The following SERAC1 variants were observed in gnomAD, a reference collection of about 807,000 sequenced individuals.
SERAC1 encodes the protein serine active site containing 1, also known as protein SERAC1.
In SERAC1, 36 loss-of-function variants were observed where a neutral mutation model predicts 85.7. The ratio of observed to expected loss-of-function variants is 0.42; its 90% confidence interval spans 0.32 to 0.55. The LOEUF is 0.55. SERAC1 is among the 20% of genes least tolerant of loss of function. The pLI, the probability that SERAC1 is intolerant of heterozygous loss-of-function variation, is 0.11. For missense variants in SERAC1, 629 were observed against 796.2 expected (o/e 0.79, Z 2.53); for synonymous variants, 242 against 265.3 (o/e 0.91, Z 0.85).
chr6:158,151,816 T>C (rs1310866942), intron 3 of SERAC1, among the ~76,000 whole-genome samples: 2 of 152,194 alleles, frequency 1.3e-5, no homozygotes, highest in African/African-American at 4.8e-5. Context: ...GTTTGTGTTT[T>C]AAGCTAAGTG....
rs114918133 is a variant in SERAC1, at chr6:158,150,699, A to G, written c.129-110T>C. On this transcript the variant is annotated intron_variant, in intron 3 of 16. Transcript: ENST00000647468. ...GTAAACTTCTTTTTTGTTGGGAAAC[A>G]TAACATGTATACAGTAATATGCATA... 2,170 of 767,180 alleles carry G rather than the reference A, an allele frequency of 2.8e-3. 34 individuals are homozygous for G. The African/African-American group carries it at 0.032, about 11-fold the overall frequency. The allele number at this position is 767,180 out of a possible 1,614,324, so 47.5% of individuals were successfully genotyped here. A position where few individuals can be genotyped will look rare whatever the true frequency, so the allele number is the denominator to read the frequency against.
At chr6:158,131,756 G>GA (rs1428810266) in intron 8 of SERAC1, among the ~76,000 whole-genome samples, 3 of 152,108 alleles carry the variant, frequency 2.0e-5, no homozygotes, top group Non-Finnish European at 4.4e-5. Context: ...CACACACAGG[G>GA]AAAGTGATAG....
intron 3 of SERAC1, among the ~76,000 whole-genome samples, chr6:158,154,407 T>G (rs1044091577): frequency 7.9e-5 from 12 of 152,084 alleles, no homozygotes; most frequent in Non-Finnish European, 1.5e-4. Context: ...AAGGGAAAAA[T>G]TATCTAAATA....
At position 158,111,355 on chromosome 6, in the gene SERAC1, G is replaced by T; in HGVS notation, c.*11C>A. On this transcript the variant is annotated 3_prime_UTR_variant, in exon 17 of 17. Transcript: ENST00000647468. ...CTGAATTCACATATGAAAACTGGAA[G>T]AGCACAACTGTTAGTTTTCAAGGTC... 6.4e-7 allele frequency: 1 copy of T among 1,572,990 alleles called. No homozygotes were observed. Among genetic ancestry groups the T allele is most frequent in the South Asian group, 1.2e-5 (1 of 84,024 alleles).
At chr6:158,112,280 G>C (rs1784162894) in intron 16 of SERAC1, 1 of 152,492 alleles carries the variant, frequency 6.6e-6, no homozygotes, top group African/African-American at 2.4e-5. Flanking sequence ...AGGTGTGGTG[G>C]TGTGCGCCTG....
chr6:158,158,441 T>C, intron 1 of SERAC1, 77 bp from the exon 2 acceptor site: 7 of 1,111,612 alleles, frequency 6.3e-6, no homozygotes, highest in Non-Finnish European at 9.4e-6. Flanking sequence ...CAAGAACATG[T>C]TACCATCACA....
chr6:158,113,663 C>T, intron 15 of SERAC1, 71 bp from the exon 16 acceptor site: 1 of 1,325,734 alleles, frequency 7.5e-7, no homozygotes, highest in African/African-American at 1.5e-5. Context: ...ATTAATCTTT[C>T]AAATTTAGAG....
intron 9 of SERAC1, among the ~76,000 whole-genome samples, chr6:158,130,074 G>T (rs530830332): frequency 6.6e-6 from 1 of 152,320 alleles, no homozygotes; most frequent in South Asian, 2.1e-4. Flanking sequence ...AAAAATATCT[G>T]AGAAAGGCAG....
rs753181670 is a variant in SERAC1 at position 158,143,305 on chromosome 6, GTCTCTCTCTCTC to G, written c.610-133_610-122del. 621 of 606,136 alleles carry G rather than the reference GTCTCTCTCTCTC, an allele frequency of 1.0e-3. 8 individuals carry two copies. Among genetic ancestry groups the G allele is most frequent in the South Asian group, 4.2e-3 (124 of 29,436 alleles). 37.5% of individuals were successfully genotyped at this position (606,136 alleles called of 1,614,324 possible). A position where few individuals can be genotyped will look rare whatever the true frequency, so the allele number is the denominator to read the frequency against. Reference sequence around the variant, plus strand: ...TCAAAGCCATATATTATGTGTGCATGTCTCTCTCTCTCTCTCTCTCTCTCTCTCTCTCTCTCT... The same window carrying G: ...TCAAAGCCATATATTATGTGTGCATGTCTCTCTCTCTCTCTCTCTCTCTCT... On this transcript the variant is annotated intron_variant, in intron 7 of 16. Coordinates refer to ENST00000647468, the MANE Select transcript of SERAC1 (RefSeq NM_032861.4).
Position 158,155,346 on chromosome 6 carries a change from T to C in SERAC1, c.97A>G (p.Ile33Val), listed in dbSNP as rs1785304530. 2 of 1,547,324 alleles carry C rather than the reference T, an allele frequency of 1.3e-6. No homozygotes were observed. The highest frequency in any genetic ancestry group is 1.8e-6 in the Non-Finnish European group (2 of 1,121,794). ...SGTHWRDIRN[I>V]IKFTGSLILG... Reference sequence around the variant, plus strand: ...ATAAGTGATCCAGTAAACTTTATTATATTTCCTTCAAAAGAAAAAAAGTCA... The same window carrying C: ...ATAAGTGATCCAGTAAACTTTATTACATTTCCTTCAAAAGAAAAAAAGTCA... The change falls in exon 3 of 17, where the codon ATA (isoleucine) becomes GTA (valine). Residue 33 changes from isoleucine (I) to valine (V), a missense_variant. Transcript: ENST00000647468.
intron 1 of SERAC1, among the ~76,000 whole-genome samples, chr6:158,163,939 C>G (rs139317315): frequency 0.026 from 3,884 of 151,794 alleles, 173 homozygotes; most frequent in African/African-American, 0.089. Context: ...GTTTCACCAT[C>G]TTGGCCAGGC....
At chr6:158,144,224 T>G in intron 7 of SERAC1, 75 bp downstream of exon 7, 1 of 1,207,712 alleles carries the variant, frequency 8.3e-7, no homozygotes, top group Non-Finnish European at 1.2e-6. Context: ...TTTAAAGTGT[T>G]TTGTACCCCA....
Position 158,158,080 on chromosome 6 carries a change from A to G in SERAC1, c.91+193T>C, listed in dbSNP as rs543464306. Among the ~76,000 whole-genome samples, 6 of 152,332 alleles carry G rather than the reference A, an allele frequency of 3.9e-5. No homozygotes were observed. In the South Asian group the frequency reaches 1.0e-3, roughly 26 times the overall value. On this transcript the variant is annotated intron_variant, in intron 2 of 16. Transcript: ENST00000647468. ...TTGACAGAAGAAGTAGAAGAGGGAA[A>G]ATAATTCTCAAGAAAAAGGAGTATG... is the stretch of plus-strand genomic sequence containing the variant.
At position 158,120,725 on chromosome 6, in the gene SERAC1, GC is replaced by G; in HGVS notation, c.1016-151del. ...AGTCCGACTATTCCAACCCCATTCTGCCCTACGATCCTCTGAGACCTGTGGC... is the reference window on the plus strand; with the variant it reads ...AGTCCGACTATTCCAACCCCATTCTGCCTACGATCCTCTGAGACCTGTGGC... On this transcript the variant is annotated intron_variant, in intron 10 of 16. Transcript: ENST00000647468. This position sits in a 1 kb window ranked among gnomAD's most constrained non-coding sequence, Gnocchi z 4.4. 1.3e-6 allele frequency: 1 copy of G among 795,084 alleles called. No individual in the cohort carries two copies. The highest frequency in any genetic ancestry group is 1.9e-6 in the Non-Finnish European group (1 of 516,086). 49.3% of individuals were successfully genotyped at this position (795,084 alleles called of 1,614,324 possible). A position where few individuals can be genotyped will look rare whatever the true frequency, so the allele number is the denominator to read the frequency against.
chr6:158,114,554 GTATT>G (rs1421644829), intron 15 of SERAC1: 54 of 1,200,718 alleles, frequency 4.5e-5, no homozygotes, highest in Non-Finnish European at 5.3e-5. Context: ...CTAATTTTAA[GTATT>G]TAAGATAATA....
chr6:158,125,861 T>A (rs1784527356), intron 10 of SERAC1, among the ~76,000 whole-genome samples: 1 of 152,144 alleles, frequency 6.6e-6, no homozygotes, highest in African/African-American at 2.4e-5. Context: ...AAGTAGACTG[T>A]AAGGATACAA....
chr6:158,142,214 G>A (rs1179530422), intron 8 of SERAC1, among the ~76,000 whole-genome samples: 6 of 151,820 alleles, frequency 4.0e-5, no homozygotes, highest in African/African-American at 1.5e-4. Context: ...AGGCTGGAGT[G>A]CAGTGGCACA....
chr6:158,134,432 TAAGC>T (rs1784747509), intron 8 of SERAC1, among the ~76,000 whole-genome samples: 1 of 152,050 alleles, frequency 6.6e-6, no homozygotes, highest in Admixed American at 6.5e-5. Context: ...TACCAAAAAA[TAAGC>T]AAGAACTCCA....
At chr6:158,149,737 T>C (rs1181714030) in intron 4 of SERAC1, among the ~76,000 whole-genome samples, 1 of 152,060 alleles carries the variant, frequency 6.6e-6, no homozygotes, top group Non-Finnish European at 1.5e-5. Context: ...TAATAACAAA[T>C]AGCAACAGGG....
Sources: allele counts gnomAD v4.1 joint callset (sites outside exome capture counted in the v4.1 genomes callset), GRCh38; gene constraint gnomAD v4.1.1; non-coding constraint Gnocchi (gnomAD v3.1); transcripts MANE v1.5; gene names NCBI Gene and HGNC (gene_info 2026-07-23, HGNC 2026-07-21).